The following RELCH variants were observed in gnomAD, a reference collection of about 807,000 sequenced individuals.
RELCH encodes RAB11-binding protein RELCH.
Under a neutral mutation model 150.3 loss-of-function variants are expected in RELCH, and 41 were observed. The ratio of observed to expected loss-of-function variants is 0.27; its 90% CI spans 0.21 to 0.35. The LOEUF is 0.35. Among genes scored for constraint, RELCH ranks in the 10% least tolerant of loss-of-function variants. The probability of loss-of-function intolerance (pLI) is 1.00; values close to 1 mark genes in which losing one functional copy is unlikely to be tolerated. For missense variants in RELCH, 1,092 were observed against 1,467.8 expected, an observed-to-expected ratio of 0.74 and a Z score of 4.18; for synonymous variants, 478 against 531.8, an observed-to-expected ratio of 0.90 and a Z score of 1.39.
intron 20 of RELCH, among the ~76,000 whole-genome samples, chr18:62,271,445 T>TCTTGTAAATTTGTTTGAGTTCTTTTG (rs539452708): frequency 0.026 from 3,944 of 152,050 alleles, 179 homozygotes; most frequent in African/African-American, 0.09. Flanking sequence ...GTTGTTTTTT[T>TCTTGTAAATTTGTTTGAGTTCTTTTG]CTTGTAAATT....
chr18:62,275,550 T>A, intron 22 of RELCH, 77 bp downstream of exon 22: 1 of 867,468 alleles, frequency 1.2e-6, no homozygotes, highest in Non-Finnish European at 1.9e-6. Flanking sequence ...GAATTTTTTT[T>A]AATAAAAAGG....
chr18:62,244,281 T>G (rs1208449394), intron 10 of RELCH, among the ~76,000 whole-genome samples: 1 of 152,146 alleles, frequency 6.6e-6, no homozygotes, highest in Non-Finnish European at 1.5e-5. Context: ...AGGCACTGGG[T>G]CAAGTGCTAA....
Position 62,202,913 on chromosome 18 carries a change from A to G in RELCH, c.527-8240A>G, listed in dbSNP as rs74629091. 5.5e-3 allele frequency among the ~76,000 whole-genome samples: 844 copies of G among 152,318 alleles called. 4 individuals carry two copies. The highest frequency in any genetic ancestry group is 0.019 in the African/African-American group (802 of 41,574). On this transcript the variant is annotated intron_variant, in intron 1 of 28. Transcript: ENST00000644646. ...AAGCCTGGTATCACAGCACCAGAAT[A>G]TTGGTTGATAAAAGTTCACCATTGA...
At chr18:62,253,267 TTGTGTGTGTGTGTG>T (rs68067609) in intron 12 of RELCH, among the ~76,000 whole-genome samples, 3,059 of 136,540 alleles carry the variant, frequency 0.022, 71 homozygotes, top group East Asian at 0.14. Flanking sequence ...AGCAAGAAGA[TTGTGTGTGTGTGTG>T]TGTGTGTGTG....
At chr18:62,245,470 G>GA in intron 11 of RELCH, among the ~76,000 whole-genome samples, 1 of 151,868 alleles carries the variant, frequency 6.6e-6, no homozygotes, top group South Asian at 2.1e-4. Context: ...CTAAAAATAC[G>GA]AAAAAATCAG....
chr18:62,232,883 G>A (rs183270908), intron 10 of RELCH, among the ~76,000 whole-genome samples: 5 of 152,094 alleles, frequency 3.3e-5, no homozygotes, highest in Admixed American at 6.6e-5. Flanking sequence ...TGTAGTTGCC[G>A]ATTATAAATG....
intron 12 of RELCH, among the ~76,000 whole-genome samples, chr18:62,254,198 T>C (rs1039637238): frequency 2.0e-5 from 3 of 152,170 alleles, no homozygotes; most frequent in Non-Finnish European, 4.4e-5. Flanking sequence ...ATTGCCATCC[T>C]AATTTTATAT....
chr18:62,212,550 C>A lies in RELCH; in HGVS notation c.616+1308C>A, dbSNP rs145356514. On this transcript the variant is annotated intron_variant, in intron 2 of 28. Transcript: ENST00000644646. Reference sequence around the variant, plus strand: ...TTTTTAAAACATACCAAATGCTTAACCCTCGTGGTCATTATGAATAAAAAT... The same window carrying A: ...TTTTTAAAACATACCAAATGCTTAAACCTCGTGGTCATTATGAATAAAAAT... Among the ~76,000 whole-genome samples the A allele has an allele frequency of 2.6e-4, 40 of 152,302 alleles. No individual in the cohort carries two copies. In the East Asian group the frequency reaches 5.4e-3, roughly 21 times the overall value.
chr18:62,248,540 C>G lies in RELCH; in HGVS notation c.1733+3664C>G, dbSNP rs2148517253. Among the ~76,000 whole-genome samples the G allele has an allele frequency of 1.3e-5, 2 of 152,138 alleles. 1 individual carries two copies. ...CCAATTACTCATTTGTTTTAGTTAC[C>G]TTTGGACTTCTAATTCACATACTGC... On this transcript the variant is annotated intron_variant, in intron 11 of 28. Transcript: ENST00000644646.
intron 11 of RELCH, among the ~76,000 whole-genome samples, chr18:62,251,764 A>T (rs1454398249): frequency 6.6e-6 from 1 of 152,206 alleles, no homozygotes; most frequent in African/African-American, 2.4e-5. Context: ...TGGTTGTTTT[A>T]GTGTCTAGAA....
At chr18:62,265,799 G>A (rs1476528204) in intron 18 of RELCH, among the ~76,000 whole-genome samples, 4 of 151,824 alleles carry the variant, frequency 2.6e-5, no homozygotes, top group African/African-American at 4.8e-5. Flanking sequence ...TTCTCTTAGC[G>A]CAATTCAGTA....
intron 1 of RELCH, among the ~76,000 whole-genome samples, chr18:62,202,247 TATA>T (rs2039502553): frequency 6.6e-6 from 1 of 152,194 alleles, no homozygotes; most frequent in Non-Finnish European, 1.5e-5. Context: ...ACTCTTCTTG[TATA>T]TTAGGACATT....
chr18:62,297,810 T>C (rs2045482811), intron 27 of RELCH, among the ~76,000 whole-genome samples: 1 of 152,204 alleles, frequency 6.6e-6, no homozygotes, highest in African/African-American at 2.4e-5. Flanking sequence ...TCACAGCCTT[T>C]GAGCAGCCTC....
chr18:62,245,163 A>G (rs1270957298), intron 11 of RELCH, among the ~76,000 whole-genome samples: 1 of 152,230 alleles, frequency 6.6e-6, no homozygotes, highest in Non-Finnish European at 1.5e-5. Flanking sequence ...TAATAGGGAA[A>G]TCACTCTAAG....
Position 62,187,723 on chromosome 18 carries a change from G to A in RELCH, c.218G>A (p.Gly73Glu). 6.2e-7 allele frequency: 1 copy of A among 1,608,272 alleles called. No homozygotes were observed. The highest frequency in any genetic ancestry group is 8.5e-7 in the Non-Finnish European group (1 of 1,176,044). Residue 73 changes from glycine to glutamate, a missense_variant, in exon 1 of 29, where the codon GGG becomes GAG. This residue lies in a region of RELCH where 138 missense variants were observed against 124.8 expected (regional missense o/e 1.11). Coordinates refer to ENST00000644646, the MANE Select transcript of RELCH (RefSeq NM_001346231.2). Reference protein sequence around the residue: ...LGSSARPGLPGEASAAAVALG... With the variant: ...LGSSARPGLPEEASAAAVALG... ...AGCAGTGCGCGGCCAGGGCTCCCTGGGGAGGCGTCGGCGGCTGCAGTGGCC... is the reference window on the plus strand; with the variant it reads ...AGCAGTGCGCGGCCAGGGCTCCCTGAGGAGGCGTCGGCGGCTGCAGTGGCC...
intron 5 of RELCH, among the ~76,000 whole-genome samples, chr18:62,223,977 T>TAA (rs1005087018): frequency 2.0e-5 from 3 of 152,094 alleles, no homozygotes; most frequent in South Asian, 4.1e-4. Flanking sequence ...TTCTTTTTTT[T>TAA]TATTATTATA....
chr18:62,281,580 T>C (rs2044518164), intron 24 of RELCH, among the ~76,000 whole-genome samples: 1 of 152,234 alleles, frequency 6.6e-6, no homozygotes, highest in East Asian at 1.9e-4. Context: ...TCAAAATTGA[T>C]ATCAGATTTT....
rs2045953644 is a variant in RELCH, at chr18:62,309,302, A to C, written c.*3768A>C. 6.6e-6 allele frequency: 1 copy of C among 152,078 alleles called. No individual in the cohort carries two copies. The highest frequency in any genetic ancestry group is 2.4e-5 in the African/African-American group (1 of 41,442). The allele number at this position is 152,078 out of a possible 1,614,324, so 9.4% of individuals were successfully genotyped here. On this transcript the variant is annotated 3_prime_UTR_variant, in exon 29 of 29. Transcript: ENST00000644646. Reference sequence around the variant, plus strand: ...TAATGTATCAGGTAAGTTTCTGCATATTGGTAAAAAAATTGAATTTTAGAC... The same window carrying C: ...TAATGTATCAGGTAAGTTTCTGCATCTTGGTAAAAAAATTGAATTTTAGAC...
chr18:62,246,416 G>A (rs1206307252), intron 11 of RELCH: 2 of 152,096 alleles, frequency 1.3e-5, no homozygotes, highest in African/African-American at 4.8e-5. Flanking sequence ...AATCTTGATT[G>A]TTGAGAGAGA....
Sources: allele counts gnomAD v4.1 joint callset (sites outside exome capture counted in the v4.1 genomes callset), GRCh38; gene constraint gnomAD v4.1.1; regional missense constraint gnomAD v4.1.1; transcripts MANE v1.5; gene names NCBI Gene and HGNC (gene_info 2026-07-23, HGNC 2026-07-21).